The following ATXN1 variants were observed in gnomAD, a reference collection of about 807,000 sequenced individuals.
ATXN1 encodes ataxin 1.
Under a neutral mutation model 56.4 loss-of-function variants are expected in ATXN1, and 8 were observed. That is an observed-to-expected ratio of 0.14 (90% CI 0.08 to 0.26). The LOEUF (loss-of-function observed/expected upper bound fraction) is 0.26. Ranked by LOEUF, ATXN1 falls within the 10% of genes least tolerant of loss-of-function variation. ATXN1 has a pLI of 1.00. For missense variants in ATXN1, 987 were observed against 1,106.5 expected (o/e 0.89, Z 1.53); for synonymous variants, 514 against 494.6 (o/e 1.04, Z -0.52).
chr6:16,761,335 G>T lies in ATXN1; in HGVS notation c.-767C>A, dbSNP rs577227193. 24 of 456,436 alleles carry T rather than the reference G, an allele frequency of 5.3e-5. No individual in the cohort carries two copies. The highest frequency in any genetic ancestry group is 4.0e-4 in the African/African-American group (20 of 50,060). 28.3% of individuals were successfully genotyped at this position (456,436 alleles called of 1,614,324 possible). On this transcript the variant is annotated 5_prime_UTR_variant, in exon 1 of 8. Transcript: ENST00000436367. ...ATGGATCTGGGGTTGCGTGGGGAAG[G>T]GGGGGCAGAGGGAGAGAAACAATGT...
intron 6 of ATXN1, among the ~76,000 whole-genome samples, chr6:16,437,025 G>A (rs1237684108): frequency 6.6e-6 from 1 of 152,168 alleles, no homozygotes; most frequent in African/African-American, 2.4e-5. Flanking sequence ...GGAAGGAGAT[G>A]GGAAGGCAGT....
At position 16,327,793 on chromosome 6, in the gene ATXN1, TG is replaced by T; in HGVS notation, c.517del (p.Gln173SerfsTer15). ...CAGCAGAGTGGAATAGGCCTCCAGCTGGGAGCGCTGGGATGGAGTGGTGGCC... is the reference window on the plus strand; with the variant it reads ...CAGCAGAGTGGAATAGGCCTCCAGCTGGAGCGCTGGGATGGAGTGGTGGCC... ...AGATTPSQRS[Q>X]LEAYSTLLAN... is the part of the protein sequence containing the mutation. On this transcript the variant is annotated frameshift_variant, in exon 7 of 8. Coordinates refer to ENST00000436367, the MANE Select transcript of ATXN1 (RefSeq NM_001128164.2). LOFTEE classifies it high-confidence loss of function. The T allele has an allele frequency of 6.2e-7, 1 of 1,609,900 alleles. No individual in the cohort carries two copies.
At chr6:16,544,928 T>TA (rs1761787462) in intron 4 of ATXN1, among the ~76,000 whole-genome samples, 1 of 152,272 alleles carries the variant, frequency 6.6e-6, no homozygotes, top group African/African-American at 2.4e-5. Context: ...TCAGGACAGA[T>TA]AAGCAGCTTC....
At chr6:16,427,931 G>A (rs1167656877) in intron 6 of ATXN1, among the ~76,000 whole-genome samples, 3 of 152,200 alleles carry the variant, frequency 2.0e-5, no homozygotes, top group Non-Finnish European at 4.4e-5. Context: ...AGAGGCATGG[G>A]GCTGTGGGAG....
At chr6:16,612,590 C>T (rs1380445306) in intron 3 of ATXN1, among the ~76,000 whole-genome samples, 1 of 152,024 alleles carries the variant, frequency 6.6e-6, no homozygotes, top group Non-Finnish European at 1.5e-5. Flanking sequence ...AAAAGATCAA[C>T]TCAATAAATT....
intron 2 of ATXN1, chr6:16,750,099 C>T (rs542916821): frequency 8.5e-5 from 13 of 152,414 alleles, no homozygotes; most frequent in African/African-American, 3.1e-4. Flanking sequence ...TCCTCAAAGT[C>T]TTTCCTGATC....
At chr6:16,307,044 C>T (rs1760268315) in intron 7 of ATXN1, among the ~76,000 whole-genome samples, 185 bp from the exon 8 acceptor site, 2 of 152,212 alleles carry the variant, frequency 1.3e-5, no homozygotes, top group African/African-American at 4.8e-5. Context: ...AAATGAGGCT[C>T]TTCTCTTTGG....
Position 16,327,374 on chromosome 6 carries a change from G to A in ATXN1, c.937C>T (p.Arg313Trp), listed in dbSNP as rs774318148. The A allele has an allele frequency of 6.2e-6, 10 of 1,613,488 alleles. No homozygotes were observed. The highest frequency in any genetic ancestry group is 1.7e-5 in the Admixed American group (1 of 60,008). Residue 313 changes from arginine to tryptophan, a missense_variant, in exon 7 of 8, where the codon CGG becomes TGG. Transcript: ENST00000436367. ...TTGGCCTGGATGGCCTGCTGCAGCC[G>A]GCTGCTCTCAGCTTTCTTGGTGGCC... The part of the protein sequence containing the change: ...REATKKAESS[R>W]LQQAIQAKEV...
intron 2 of ATXN1, among the ~76,000 whole-genome samples, chr6:16,668,301 G>A (rs796195545): frequency 2.0e-5 from 3 of 151,492 alleles, no homozygotes; most frequent in African/African-American, 7.3e-5. Flanking sequence ...CCATTAACTC[G>A]TCATTTAGCA....
chr6:16,752,993 G>A (rs886631800), intron 2 of ATXN1: 2 of 289,296 alleles, frequency 6.9e-6, no homozygotes, highest in Non-Finnish European at 1.4e-5. Flanking sequence ...ATCAATCATC[G>A]CAAAGTCAAA....
At chr6:16,386,803 A>G (rs1212300544) in intron 6 of ATXN1, among the ~76,000 whole-genome samples, 2 of 152,230 alleles carry the variant, frequency 1.3e-5, no homozygotes, top group African/African-American at 4.8e-5. Flanking sequence ...GAACATGAAC[A>G]GGATGTTACT....
At chr6:16,542,892 T>G (rs185129559) in intron 4 of ATXN1, among the ~76,000 whole-genome samples, 1 of 152,164 alleles carries the variant, frequency 6.6e-6, no homozygotes, top group Admixed American at 6.5e-5. Context: ...CTAAAAGTTA[T>G]GTGAATGTGG....
In ATXN1 at chr6:16,439,338, CGGGGGGG is replaced by C. The variant is rs1483244496; in HGVS notation, c.-161+46627_-161+46633del. On this transcript the variant is annotated intron_variant, in intron 6 of 7. Transcript: ENST00000436367. ...TTTCAGAGCTAGAGACTTCTTTTCG[CGGGGGGG>C]GGGGGGGGGGGGGGGCGGGGCCGGG... Among the ~76,000 whole-genome samples, 3 of 2,172 alleles carry C rather than the reference CGGGGGGG, an allele frequency of 1.4e-3. 1 individual carries two copies. The highest frequency in any genetic ancestry group is 7.8e-3 in the African/African-American group (3 of 384). 1.4% of individuals were successfully genotyped at this position (2,172 alleles called of 152,430 possible).
At chr6:16,471,139 G>A (rs1457745500) in intron 6 of ATXN1, among the ~76,000 whole-genome samples, 1 of 151,488 alleles carries the variant, frequency 6.6e-6, no homozygotes, top group Non-Finnish European at 1.5e-5. Flanking sequence ...TACAAGCTTT[G>A]CTTTCTCATT....
chr6:16,621,176 T>A (rs964083588), intron 3 of ATXN1, among the ~76,000 whole-genome samples: 1 of 152,186 alleles, frequency 6.6e-6, no homozygotes, highest in African/African-American at 2.4e-5. Flanking sequence ...AGCAATGGCA[T>A]AAAGACACAT....
At chr6:16,515,047 G>C (rs971567191) in intron 5 of ATXN1, among the ~76,000 whole-genome samples, 4 of 151,596 alleles carry the variant, frequency 2.6e-5, no homozygotes, top group Admixed American at 6.6e-5. Context: ...GGACACCTTC[G>C]GTAGCCACCT....
chr6:16,444,453 CAG>C (rs1007186087), intron 6 of ATXN1, among the ~76,000 whole-genome samples: 12 of 152,138 alleles, frequency 7.9e-5, no homozygotes, highest in African/African-American at 2.4e-4. Context: ...AATGCTCAGA[CAG>C]GGGACCATCT....
intron 7 of ATXN1, among the ~76,000 whole-genome samples, chr6:16,313,867 G>A (rs116254845): frequency 6.6e-6 from 1 of 152,282 alleles, no homozygotes; most frequent in Non-Finnish European, 1.5e-5. Context: ...CACCTGGCCT[G>A]TTAATGAAAT....
chr6:16,326,691 G>T lies in ATXN1; in HGVS notation c.1620C>A (p.Thr540=). The part of the protein sequence containing the change: ...SENFNPEALV[T]QAAYPAMVQA... Reference sequence around the variant, plus strand: ...GCACCATGGCTGGGTAGGCGGCCTGGGTGACCAGGGCCTCAGGGTTGAAGT... The same window carrying T: ...GCACCATGGCTGGGTAGGCGGCCTGTGTGACCAGGGCCTCAGGGTTGAAGT... The change falls in exon 7 of 8, where the codon ACC becomes ACA. Residue 540 remains threonine, a synonymous_variant. Transcript: ENST00000436367. This position sits in a 1 kb window ranked among gnomAD's most constrained non-coding sequence, Gnocchi z 6.6. 6.2e-7 allele frequency: 1 copy of T among 1,613,298 alleles called. No homozygotes were observed. Among genetic ancestry groups the T allele is most frequent in the Non-Finnish European group, 8.5e-7 (1 of 1,180,010 alleles).
Sources: gnomAD v4.1 joint callset for allele counts (sites outside exome capture counted in the v4.1 genomes callset) on GRCh38, gnomAD v4.1.1 for gene constraint, Gnocchi (gnomAD v3.1) non-coding constraint, MANE v1.5 for transcripts, NCBI Gene and HGNC (gene_info 2026-07-23, HGNC 2026-07-21) for gene names.